The following SLC9A5 variants were observed in gnomAD, a reference collection of about 807,000 sequenced individuals.
SLC9A5 encodes the protein solute carrier family 9 member A5.
In SLC9A5, 52 loss-of-function variants were observed where a neutral mutation model predicts 91.7. The ratio of observed to expected loss-of-function variants is 0.57; its 90% CI spans 0.45 to 0.71. SLC9A5 has a LOEUF of 0.71. Among genes scored for constraint, SLC9A5 ranks in the 30% least tolerant of loss-of-function variants. SLC9A5 has a pLI of 0.00. For synonymous variants in SLC9A5, 419 were observed against 474.5 expected (o/e 0.88, Z 1.52); for missense variants, 871 against 1,158.9 (o/e 0.75, Z 3.61).
intron 1 of SLC9A5, among the ~76,000 whole-genome samples, chr16:67,250,368 C>T (rs2035068827): frequency 6.6e-6 from 1 of 152,060 alleles, no homozygotes; most frequent in Non-Finnish European, 1.5e-5. Flanking sequence ...AAGTGGGAGA[C>T]CAAAGTAGGG....
At chr16:67,260,354 C>CAAAAAA (rs397932908) in intron 12 of SLC9A5, among the ~76,000 whole-genome samples, 5 of 33,428 alleles carry the variant, frequency 1.5e-4, no homozygotes, top group African/African-American at 5.8e-4. Context: ...GACTCCATCT[C>CAAAAAA]AAAAAAAAAA....
At chr16:67,249,758 C>G (rs142772356) in intron 1 of SLC9A5, among the ~76,000 whole-genome samples, 1 of 152,302 alleles carries the variant, frequency 6.6e-6, no homozygotes, top group Non-Finnish European at 1.5e-5. Context: ...TGGGTACCCC[C>G]CCAACCCACG....
At chr16:67,261,746 A>G (rs1470063201) in intron 12 of SLC9A5, 1 of 152,214 alleles carries the variant, frequency 6.6e-6, no homozygotes, top group African/African-American at 2.4e-5. Flanking sequence ...TTTCTCTTGG[A>G]GAATTGCACA....
At chr16:67,259,795 C>A in intron 11 of SLC9A5, 25 bp from the exon 12 acceptor site, 1 of 1,612,498 alleles carries the variant, frequency 6.2e-7, no homozygotes, top group Non-Finnish European at 8.5e-7. Context: ...CCCTCTCCAG[C>A]ACATGTGTCC....
At chr16:67,263,577 G>C (rs1041956304) in intron 12 of SLC9A5, 2 of 152,362 alleles carry the variant, frequency 1.3e-5, no homozygotes, top group African/African-American at 4.8e-5. Context: ...TTGAGGTCAG[G>C]AGTTCGAGAC....
At chr16:67,254,197 C>T (rs974598721) in intron 2 of SLC9A5, among the ~76,000 whole-genome samples, 2 of 152,128 alleles carry the variant, frequency 1.3e-5, no homozygotes, top group Admixed American at 6.6e-5. Context: ...TATTCAAGTC[C>T]GATCTGTGTT....
At chr16:67,254,960 G>A (rs2035255265) in intron 2 of SLC9A5, 61 bp from the exon 3 acceptor site, 36 of 1,535,814 alleles carry the variant, frequency 2.3e-5, no homozygotes, top group Admixed American at 1.4e-4. Context: ...GTTCCAGGGC[G>A]TGCTCCAGGA....
rs937930490 is a variant in SLC9A5, at chr16:67,256,793, C to G, written c.1132+104C>G. 4 of 1,344,030 alleles carry G rather than the reference C, an allele frequency of 3.0e-6. No individual in the cohort carries two copies. The highest frequency in any genetic ancestry group is 4.2e-6 in the Non-Finnish European group (4 of 946,300). 83.3% of individuals were successfully genotyped at this position (1,344,030 alleles called of 1,614,324 possible). A position where few individuals can be genotyped will look rare whatever the true frequency, so the allele number is the denominator to read the frequency against. ...ACATCTTTGTCAATTCCTAAGCCTC[C>G]TCTTGTTGCTCACCTGTCCCAGCCC... On this transcript the variant is annotated intron_variant, in intron 6 of 15. Coordinates refer to ENST00000299798, the MANE Select transcript of SLC9A5 (RefSeq NM_004594.3). The surrounding 1 kb of genome is among the most constrained non-coding windows in gnomAD (Gnocchi z 4.1).
chr16:67,265,493 A>G (rs559326160), intron 14 of SLC9A5, among the ~76,000 whole-genome samples: 1 of 152,310 alleles, frequency 6.6e-6, no homozygotes, highest in Non-Finnish European at 1.5e-5. Context: ...ATCTCGGCTC[A>G]CTGCAACCTC....
At chr16:67,251,107 C>T (rs532195495) in intron 1 of SLC9A5, among the ~76,000 whole-genome samples, 1 of 152,204 alleles carries the variant, frequency 6.6e-6, no homozygotes, top group African/African-American at 2.4e-5. Context: ...TCCTATATTA[C>T]AAAAGAAGAA....
At position 67,255,260 on chromosome 16, in the gene SLC9A5, C is replaced by G; in HGVS notation, c.654+76C>G. The G allele has an allele frequency of 1.3e-6, 2 of 1,556,570 alleles. No homozygotes were observed. Among genetic ancestry groups the G allele is most frequent in the Non-Finnish European group, 8.8e-7 (1 of 1,140,042 alleles). On this transcript the variant is annotated intron_variant, in intron 3 of 15. Coordinates refer to ENST00000299798, the MANE Select transcript of SLC9A5 (RefSeq NM_004594.3). The surrounding 1 kb of genome is among the most constrained non-coding windows in gnomAD (Gnocchi z 4.9). Reference sequence around the variant, plus strand: ...GACCAACTAGGGGTCTGCGCAGACTCAGTCCCTTCCCTTGGGTCCCCTGGG... The same window carrying G: ...GACCAACTAGGGGTCTGCGCAGACTGAGTCCCTTCCCTTGGGTCCCCTGGG...
Position 67,252,558 on chromosome 16 carries a change from GA to G in SLC9A5, c.207del (p.Val70Ter), listed in dbSNP as rs1377314210. The G allele has an allele frequency of 6.2e-7, 1 of 1,612,760 alleles. No individual in the cohort carries two copies. The highest frequency in any genetic ancestry group is 1.7e-5 in the Admixed American group (1 of 59,972). On this transcript the variant is annotated frameshift_variant, in exon 2 of 16. Transcript: ENST00000299798. LOFTEE classifies it high-confidence loss of function. This position sits in a 1 kb window ranked among gnomAD's most constrained non-coding sequence, Gnocchi z 4.0. ...LAKIVFHLSR[K>X]VTSLVPESCL... ...GCATTGCAGTGTTTCACCTGTCTCG[GA>G]AAGTAACATCTCTGGTCCCTGAGAG...
chr16:67,269,050 A>G (rs948779377), intron 15 of SLC9A5, among the ~76,000 whole-genome samples: 1 of 151,736 alleles, frequency 6.6e-6, no homozygotes, highest in African/African-American at 2.4e-5. Flanking sequence ...TATTTGTCCT[A>G]CAGTCTTTCT....
intron 10 of SLC9A5, 140 bp from the exon 11 acceptor site, chr16:67,259,433 A>C (rs868627001): frequency 4.9e-6 from 3 of 611,734 alleles, no homozygotes; most frequent in Middle Eastern, 2.6e-4. Flanking sequence ...TGTGAATTCG[A>C]TATGTAAAGT....
In SLC9A5 at chr16:67,252,841, G is replaced by A. The variant is rs1394782060; in HGVS notation, c.487G>A (p.Val163Ile). The change falls in exon 2 of 16, where the codon GTA (valine) becomes ATA (isoleucine). Residue 163 changes from valine to isoleucine, a missense_variant. Physicochemically the swap from Val to Ile is conservative, Grantham distance 29 (BLOSUM62 3). Transcript: ENST00000299798. The surrounding 1 kb of genome is among the most constrained non-coding windows in gnomAD (Gnocchi z 4.0). ...ALWGLQQAGLVAPRVQAGLLD... is the reference protein window; with the variant it reads ...ALWGLQQAGLIAPRVQAGLLD... The stretch of plus-strand genomic sequence containing the variant: ...CTGGGGCTTGCAGCAGGCTGGACTT[G>A]TAGGTGAGTGACCCTAAGACCTGGG... The A allele has an allele frequency of 2.5e-6, 4 of 1,610,848 alleles. No individual in the cohort carries two copies. Among genetic ancestry groups the A allele is most frequent in the East Asian group, 2.2e-5 (1 of 44,892 alleles).
intron 1 of SLC9A5, 90 bp downstream of exon 1, chr16:67,249,291 G>C (rs1237254562): frequency 9.1e-7 from 1 of 1,100,682 alleles, no homozygotes. Flanking sequence ...ATTGGGGCTG[G>C]CTTCTTGCAC....
chr16:67,270,944 G>T lies in SLC9A5; in HGVS notation c.2425G>T (p.Ala809Ser). The change falls in exon 16 of 16, where the codon GCC becomes TCC. Residue 809 changes from alanine (A) to serine (S), a missense_variant. Ala to Ser is a moderately conservative substitution (Grantham distance 99). This residue lies in a region of SLC9A5 where 295 missense variants were observed against 326.0 expected (regional missense o/e 0.90). Transcript: ENST00000299798. This position sits in a 1 kb window ranked among gnomAD's most constrained non-coding sequence, Gnocchi z 4.3. ...CCTAGCGTCCCCTCCCTGTAACCAG[G>T]CCCCAATTCTGACCTGCCTGCCTCC... ...ESLASPPCNQ[A>S]PILTCLPPHP... The T allele has an allele frequency of 1.2e-6, 2 of 1,614,002 alleles. No homozygotes were observed. Among genetic ancestry groups the T allele is most frequent in the Non-Finnish European group, 1.7e-6 (2 of 1,179,974 alleles).
intron 15 of SLC9A5, among the ~76,000 whole-genome samples, chr16:67,269,507 C>T (rs749540574): frequency 2.7e-4 from 41 of 152,268 alleles, no homozygotes; most frequent in South Asian, 8.3e-4. Context: ...CCAGTAAATG[C>T]TTGATTCTTT....
At chr16:67,263,415 A>T (rs1450587712) in intron 12 of SLC9A5, 1 of 152,330 alleles carries the variant, frequency 6.6e-6, no homozygotes, top group East Asian at 1.9e-4. Flanking sequence ...CTAGATGATG[A>T]AAAGGTGCTA....
Sources: gnomAD v4.1 joint callset for allele counts (sites outside exome capture counted in the v4.1 genomes callset) on GRCh38, gnomAD v4.1.1 for gene constraint, gnomAD v4.1.1 regional missense constraint, Gnocchi (gnomAD v3.1) non-coding constraint, MANE v1.5 for transcripts, NCBI Gene and HGNC (gene_info 2026-07-23, HGNC 2026-07-21) for gene names.